Variants in LAMB4 observed in about 807,000 individuals in gnomAD.
LAMB4 encodes laminin subunit beta 4.
A neutral mutation model predicts 199.2 loss-of-function variants in LAMB4; 196 were observed. The observed-to-expected ratio is 0.98, with a 90% CI of 0.88 to 1.11. The LOEUF (loss-of-function observed/expected upper bound fraction) is 1.11. Among genes scored for constraint, LAMB4 ranks in the 50% least tolerant of loss-of-function variants. The pLI is 0.00. For synonymous variants in LAMB4, 744 were observed against 770.6 expected (o/e 0.97, Z 0.57); for missense variants, 2,080 against 2,171.2 (o/e 0.96, Z 0.83).
At chr7:108,040,779 A>C (rs1324868341) in intron 29 of LAMB4, among the ~76,000 whole-genome samples, 2 of 152,212 alleles carry the variant, frequency 1.3e-5, no homozygotes, top group Non-Finnish European at 2.9e-5. Context: ...TTAAAGACTA[A>C]AATGTAAAAC....
chr7:108,083,067 C>G (rs1478494025), intron 14 of LAMB4, among the ~76,000 whole-genome samples: 2 of 152,194 alleles, frequency 1.3e-5, no homozygotes, highest in Non-Finnish European at 2.9e-5. Flanking sequence ...CTCTTCCATA[C>G]TTTTAAGGAA....
At chr7:108,031,885 G>C (rs1163947278) in intron 31 of LAMB4, among the ~76,000 whole-genome samples, 2 of 152,012 alleles carry the variant, frequency 1.3e-5, no homozygotes, top group South Asian at 4.1e-4. Context: ...TGACCATATT[G>C]ATCATATCTA....
intron 14 of LAMB4, among the ~76,000 whole-genome samples, chr7:108,082,100 G>A (rs438114): frequency 3.3e-5 from 5 of 151,896 alleles, no homozygotes; most frequent in African/African-American, 1.2e-4. Context: ...GGAGGCCGAG[G>A]TGGGTGGATC....
chr7:108,124,947 T>C (rs2038726233), intron 1 of LAMB4, among the ~76,000 whole-genome samples: 3 of 152,164 alleles, frequency 2.0e-5, no homozygotes, highest in African/African-American at 2.4e-5. Flanking sequence ...CTATGAAGTC[T>C]TTTTAGGGTG....
chr7:108,016,694 G>A, the LAMB4 span, among the ~76,000 whole-genome samples: 1 of 152,184 alleles, frequency 6.6e-6, no homozygotes, highest in South Asian at 2.1e-4. Flanking sequence ...TAACCTAGCT[G>A]TGTTAGTAGT....
Position 108,091,665 on chromosome 7 carries a change from C to T in LAMB4, c.1662G>A (p.Glu554=), listed in dbSNP as rs1160080453. The T allele has an allele frequency of 9.3e-6, 15 of 1,614,132 alleles. No individual in the cohort carries two copies. Among genetic ancestry groups the T allele is most frequent in the South Asian group, 1.1e-5 (1 of 91,082 alleles). Reference sequence around the variant, plus strand: ...CTTGGAGTGTTGTGGCTTCCTCTGCCTCGTAGAGATAGAAATTCAAAGGAG... The same window carrying T: ...CTTGGAGTGTTGTGGCTTCCTCTGCTTCGTAGAGATAGAAATTCAAAGGAG... The part of the protein sequence containing the change: ...FFAPLNFYLY[E]AEEATTLQGL... The change falls in exon 14 of 34, where the codon GAG becomes GAA. Residue 554 remains glutamate, a synonymous_variant. Transcript: ENST00000388781.
chr7:108,129,264 A>AGT (rs2150714288), intron 1 of LAMB4, among the ~76,000 whole-genome samples: 2 of 152,088 alleles, frequency 1.3e-5, no homozygotes, highest in African/African-American at 4.8e-5. Context: ...AAAGACATGC[A>AGT]TTCCGCTCCT....
intron 2 of LAMB4, 110 bp downstream of exon 2, chr7:108,123,021 A>G: frequency 1.1e-6 from 1 of 893,602 alleles, no homozygotes; most frequent in Non-Finnish European, 1.7e-6. Flanking sequence ...GAATAGCTAC[A>G]TAAGCATACA....
chr7:108,129,762 C>T (rs533179868), intron 1 of LAMB4, among the ~76,000 whole-genome samples: 1 of 152,264 alleles, frequency 6.6e-6, no homozygotes, highest in Non-Finnish European at 1.5e-5. Flanking sequence ...CTCCTGAGCT[C>T]AAGCAATTTG....
Position 108,043,912 on chromosome 7 carries a change from C to T in LAMB4, c.4327-16G>A, listed in dbSNP as rs753797077. The T allele has an allele frequency of 8.2e-6, 13 of 1,593,134 alleles. No individual in the cohort carries two copies. In the East Asian group the frequency reaches 2.9e-4, roughly 36 times the overall value. On this transcript the variant is annotated splice_polypyrimidine_tract_variant and intron_variant, in intron 28 of 33. Coordinates refer to ENST00000388781, the MANE Select transcript of LAMB4 (RefSeq NM_007356.3). ...TACTTTCGATCTGGAATGAGAAAAA[C>T]ACAATGAAGAATACTCGACAATATA...
intron 2 of LAMB4, among the ~76,000 whole-genome samples, chr7:108,116,896 G>T (rs1436124785): frequency 1.3e-5 from 2 of 152,174 alleles, no homozygotes; most frequent in Non-Finnish European, 2.9e-5. Flanking sequence ...AATTAGCCAG[G>T]CATGGTGGTT....
chr7:108,034,233 G>A lies in LAMB4; in HGVS notation c.4793C>T (p.Thr1598Ile). The change falls in exon 31 of 34, where the codon ACA becomes ATA. Residue 1598 changes from threonine to isoleucine, a missense_variant. Thr to Ile is a moderately conservative substitution (Grantham distance 89). Coordinates refer to ENST00000388781, the MANE Select transcript of LAMB4 (RefSeq NM_007356.3). ...CTGCAGCACATTCTTTTTTATTTTT[G>A]TTATATTGGCAGTCAGCTGTGTAAT... ...STITQLTANI[T>I]KIKKNVLQAE... 1 of 1,613,794 alleles carries A rather than the reference G, an allele frequency of 6.2e-7. No homozygotes were observed.
At chr7:108,124,025 C>A (rs1185429335) in intron 1 of LAMB4, among the ~76,000 whole-genome samples, 1 of 150,476 alleles carries the variant, frequency 6.6e-6, no homozygotes, top group African/African-American at 2.4e-5. Flanking sequence ...TTTTTTTTTC[C>A]TTTTTTTAAG....
intron 17 of LAMB4, among the ~76,000 whole-genome samples, chr7:108,071,409 G>A (rs973046842): frequency 2.0e-5 from 3 of 152,132 alleles, no homozygotes; most frequent in African/African-American, 7.2e-5. Flanking sequence ...CCATCTGAAT[G>A]GGTGCCAGCA....
chr7:108,073,023 T>C (rs771807353), intron 17 of LAMB4, among the ~76,000 whole-genome samples: 6 of 152,212 alleles, frequency 3.9e-5, no homozygotes, highest in Non-Finnish European at 5.9e-5. Flanking sequence ...AATTCTTTTT[T>C]TGATGGAGTC....
rs780322560 is a variant in LAMB4 at position 108,091,675 on chromosome 7, T to C, written c.1652A>G (p.Tyr551Cys). The change falls in exon 14 of 34, where the codon TAT (tyrosine) becomes TGT (cysteine). Residue 551 changes from tyrosine to cysteine, a missense_variant. Transcript: ENST00000388781. The part of the protein sequence containing the change: ...PGYFFAPLNF[Y>C]LYEAEEATTL... ...TGTGGCTTCCTCTGCCTCGTAGAGA[T>C]AGAAATTCAAAGGAGCAAAGAAGTA... The C allele has an allele frequency of 1.2e-6, 2 of 1,614,094 alleles. No homozygotes were observed. The highest frequency in any genetic ancestry group is 1.1e-5 in the South Asian group (1 of 91,076).
chr7:108,012,755 C>A, the LAMB4 span, among the ~76,000 whole-genome samples: 1 of 152,210 alleles, frequency 6.6e-6, no homozygotes, highest in Admixed American at 6.5e-5. Context: ...CTTATATAAT[C>A]TCTCTTTTGT....
chr7:108,061,058 C>T (rs777939324), intron 23 of LAMB4, among the ~76,000 whole-genome samples: 2 of 152,196 alleles, frequency 1.3e-5, no homozygotes, highest in Non-Finnish European at 2.9e-5. Flanking sequence ...GAGAGTGGCA[C>T]TTGACTTCTC....
intron 28 of LAMB4, 55 bp downstream of exon 28, chr7:108,047,853 C>G (rs1563044780): frequency 7.1e-7 from 1 of 1,409,602 alleles, no homozygotes; most frequent in Non-Finnish European, 1.0e-6. Context: ...AAATTTTAAG[C>G]AGTCTGCTTC....
Sources: allele counts gnomAD v4.1 joint callset (sites outside exome capture counted in the v4.1 genomes callset), GRCh38; gene constraint gnomAD v4.1.1; transcripts MANE v1.5; gene names NCBI Gene and HGNC (gene_info 2026-07-23, HGNC 2026-07-21).